Variants in SLC6A6 observed in about 807,000 individuals in gnomAD.
SLC6A6 encodes the protein solute carrier family 6 member 6.
Under a neutral mutation model 68.8 loss-of-function variants are expected in SLC6A6, and 16 were observed. The ratio of observed to expected loss-of-function variants is 0.23; its 90% CI spans 0.16 to 0.35. The LOEUF is 0.35. Among genes scored for constraint, SLC6A6 ranks in the 10% least tolerant of loss-of-function variants. The pLI, the probability that SLC6A6 is intolerant of heterozygous loss-of-function variation, is 1.00. For synonymous variants in SLC6A6, 312 were observed against 315.4 expected (o/e 0.99, Z 0.12); for missense variants, 474 against 802.8 (o/e 0.59, Z 4.95).
In SLC6A6 at chr3:14,477,779, C is replaced by T. The variant is rs1700912751; in HGVS notation, c.1347+437C>T. 6.6e-6 allele frequency among the ~76,000 whole-genome samples: 1 copy of T among 152,134 alleles called. No homozygotes were observed. Among genetic ancestry groups the T allele is most frequent in the Non-Finnish European group, 1.5e-5 (1 of 68,026 alleles). On this transcript the variant is annotated intron_variant, in intron 11 of 14. Transcript: ENST00000622186. This position sits in a 1 kb window ranked among gnomAD's most constrained non-coding sequence, Gnocchi z 4.2. ...AGGTCACCTGCCACAGGACCGAGTC[C>T]TGGTGGGTATGGGTTGATAGGGGGC...
Position 14,475,485 on chromosome 3 carries a change from C to T in SLC6A6, c.1210-1720C>T, listed in dbSNP as rs538731089. Among the ~76,000 whole-genome samples, 11 of 152,330 alleles carry T rather than the reference C, an allele frequency of 7.2e-5. No individual in the cohort carries two copies. The East Asian group carries it at 2.1e-3, about 29-fold the overall frequency. On this transcript the variant is annotated intron_variant, in intron 10 of 14. Coordinates refer to ENST00000622186, the MANE Select transcript of SLC6A6 (RefSeq NM_003043.6). ...AATAATTTCAAATCTTTCTCAACATCCCTGCCAAGTGGACAAGATCCTCCC... is the reference window on the plus strand; with the variant it reads ...AATAATTTCAAATCTTTCTCAACATTCCTGCCAAGTGGACAAGATCCTCCC...
intron 10 of SLC6A6, among the ~76,000 whole-genome samples, chr3:14,474,261 A>C (rs1036222357): frequency 2.6e-5 from 4 of 152,186 alleles, no homozygotes; most frequent in Admixed American, 2.6e-4. Flanking sequence ...AGATGCCAGC[A>C]GTGTGCCTCA....
chr3:14,463,648 A>G (rs1700547437), intron 6 of SLC6A6, among the ~76,000 whole-genome samples: 1 of 152,158 alleles, frequency 6.6e-6, no homozygotes, highest in Non-Finnish European at 1.5e-5. Context: ...AGGAAGGGAG[A>G]GGCAGGTTGG....
intron 6 of SLC6A6, among the ~76,000 whole-genome samples, chr3:14,464,336 C>T (rs1344163702): frequency 2.0e-5 from 3 of 152,180 alleles, no homozygotes; most frequent in African/African-American, 7.2e-5. Context: ...CTTAAGCCCA[C>T]GTGACCCTGG....
intron 1 of SLC6A6, among the ~76,000 whole-genome samples, chr3:14,408,339 C>CTT (rs1448103837): frequency 4.7e-4 from 69 of 146,094 alleles, no homozygotes; most frequent in African/African-American, 1.5e-3. Flanking sequence ...ATATCTCTTT[C>CTT]TTTTTTTTTT....
chr3:14,475,573 G>A (rs1467263063), intron 10 of SLC6A6, among the ~76,000 whole-genome samples: 1 of 152,238 alleles, frequency 6.6e-6, no homozygotes, highest in Non-Finnish European at 1.5e-5. Context: ...GCGACGGAGG[G>A]CTGAAGAGGC....
At chr3:14,431,875 G>A (rs2124925200) in intron 2 of SLC6A6, among the ~76,000 whole-genome samples, 1 of 152,294 alleles carries the variant, frequency 6.6e-6, no homozygotes, top group South Asian at 2.1e-4. Context: ...ACAAGGAGGG[G>A]GAGGTTGTTT....
At chr3:14,439,625 A>G (rs942902717) in intron 2 of SLC6A6, among the ~76,000 whole-genome samples, 2 of 152,250 alleles carry the variant, frequency 1.3e-5, no homozygotes, top group Non-Finnish European at 2.9e-5. Flanking sequence ...ATGGGGAATT[A>G]TGTATCTCGG....
In SLC6A6 at chr3:14,488,840, T is replaced by C. The variant is rs1701249620; in HGVS notation, c.*3833T>C. 7 of 152,618 alleles carry C rather than the reference T, an allele frequency of 4.6e-5. No individual in the cohort carries two copies. 9.5% of individuals were successfully genotyped at this position (152,618 alleles called of 1,614,324 possible). ...TCTCTTGTGGGTGTCACTACAGACA[T>C]GTTCTGGCGTGTTCTCCGAGGGATG... On this transcript the variant is annotated 3_prime_UTR_variant, in exon 15 of 15. Transcript: ENST00000622186.
At chr3:14,429,245 T>C (rs1699669397) in intron 2 of SLC6A6, among the ~76,000 whole-genome samples, 1 of 152,264 alleles carries the variant, frequency 6.6e-6, no homozygotes, top group African/African-American at 2.4e-5. Flanking sequence ...TGCCACTTGC[T>C]ATGGAGTAAC....
At chr3:14,437,331 C>T (rs539903218) in intron 2 of SLC6A6, among the ~76,000 whole-genome samples, 255 of 152,088 alleles carry the variant, frequency 1.7e-3, no homozygotes, top group Non-Finnish European at 2.5e-3. Flanking sequence ...AATCATGGCT[C>T]ACTGCAGCCT....
At chr3:14,453,220 GC>G (rs1700295440) in intron 5 of SLC6A6, among the ~76,000 whole-genome samples, 1 of 152,228 alleles carries the variant, frequency 6.6e-6, no homozygotes, top group African/African-American at 2.4e-5. Context: ...CTGAGTGCCG[GC>G]TGGACGGCAG....
intron 10 of SLC6A6, among the ~76,000 whole-genome samples, chr3:14,476,167 A>T (rs528019066): frequency 6.6e-6 from 1 of 152,194 alleles, no homozygotes. Flanking sequence ...ATCCAAATTT[A>T]AAGTGCTGCT....
chr3:14,415,750 G>A (rs1699349976), intron 1 of SLC6A6, among the ~76,000 whole-genome samples: 1 of 151,944 alleles, frequency 6.6e-6, no homozygotes, highest in Non-Finnish European at 1.5e-5. Context: ...GGTTAGTCAC[G>A]TCCGGGACTG....
At chr3:14,411,804 T>C (rs944313849) in intron 1 of SLC6A6, among the ~76,000 whole-genome samples, 9 of 152,228 alleles carry the variant, frequency 5.9e-5, no homozygotes, top group Admixed American at 5.2e-4. Context: ...ATTCACTTGT[T>C]CCAGGCCCTG....
At chr3:14,463,637 CAGGA>C (rs1700547085) in intron 6 of SLC6A6, among the ~76,000 whole-genome samples, 1 of 152,262 alleles carries the variant, frequency 6.6e-6, no homozygotes, top group Non-Finnish European at 1.5e-5. Context: ...CGCCTGTCCT[CAGGA>C]AGGGAGAGGC....
chr3:14,462,920 G>A (rs907588639), intron 6 of SLC6A6, among the ~76,000 whole-genome samples: 12 of 152,174 alleles, frequency 7.9e-5, no homozygotes, highest in Admixed American at 7.9e-4. Context: ...GTGAAGATGA[G>A]CTGTGAGTTT....
intron 2 of SLC6A6, among the ~76,000 whole-genome samples, chr3:14,442,898 T>C (rs1228737772): frequency 1.3e-5 from 2 of 152,208 alleles, no homozygotes; most frequent in African/African-American, 2.4e-5. Flanking sequence ...CAAATGGGGA[T>C]GAACAAGCAC....
In SLC6A6 at chr3:14,447,871, G is replaced by T. The variant is rs985155841; in HGVS notation, c.599+55G>T. ...GGACATGGGTGGGGCAGAGAGGATGGCCCACTTCCTTATCTCCTCCCCTGG... is the reference window on the plus strand; with the variant it reads ...GGACATGGGTGGGGCAGAGAGGATGTCCCACTTCCTTATCTCCTCCCCTGG... On this transcript the variant is annotated intron_variant, in intron 5 of 14. Coordinates refer to ENST00000622186, the MANE Select transcript of SLC6A6 (RefSeq NM_003043.6). 10 of 1,598,352 alleles carry T rather than the reference G, an allele frequency of 6.3e-6. No individual in the cohort carries two copies. In the African/African-American group the frequency reaches 6.7e-5, roughly 11 times the overall value.
Sources: gnomAD v4.1 joint callset for allele counts (sites outside exome capture counted in the v4.1 genomes callset) on GRCh38, gnomAD v4.1.1 for gene constraint, Gnocchi (gnomAD v3.1) non-coding constraint, MANE v1.5 for transcripts, NCBI Gene and HGNC (gene_info 2026-07-23, HGNC 2026-07-21) for gene names.